CFAP20DC: variants seen among roughly 807,000 people sequenced by gnomAD.
The protein encoded by CFAP20DC is CFAP20 domain containing.
Under a neutral mutation model 101.7 loss-of-function variants are expected in CFAP20DC, and 84 were observed. That is an observed-to-expected ratio of 0.83 (90% CI 0.69 to 0.99). The LOEUF (loss-of-function observed/expected upper bound fraction) is 0.99. Ranked by LOEUF, CFAP20DC falls within the 50% of genes least tolerant of loss-of-function variation. CFAP20DC has a pLI of 0.00. For missense variants in CFAP20DC, 1,007 were observed against 970.3 expected (o/e 1.04, Z -0.50); for synonymous variants, 359 against 351.2 (o/e 1.02, Z -0.25).
intron 4 of CFAP20DC, among the ~76,000 whole-genome samples, chr3:58,939,239 G>A (rs1387317763): frequency 6.6e-6 from 1 of 151,986 alleles, no homozygotes; most frequent in Non-Finnish European, 1.5e-5. Flanking sequence ...TTACTAATGG[G>A]GTACAGGATC....
intron 15 of CFAP20DC, among the ~76,000 whole-genome samples, chr3:58,772,558 A>T (rs902971138): frequency 6.6e-6 from 1 of 152,188 alleles, no homozygotes; most frequent in Non-Finnish European, 1.5e-5. Context: ...CCTTTTGACC[A>T]AGTAATTCCA....
chr3:58,993,556 G>T (rs1372366982), intron 4 of CFAP20DC, among the ~76,000 whole-genome samples: 1 of 152,078 alleles, frequency 6.6e-6, no homozygotes, highest in Non-Finnish European at 1.5e-5. Context: ...TCACCCATTA[G>T]CTATTCTTCC....
At chr3:58,811,178 T>A (rs1465730052) in intron 14 of CFAP20DC, among the ~76,000 whole-genome samples, 1 of 152,118 alleles carries the variant, frequency 6.6e-6, no homozygotes, top group Admixed American at 6.6e-5. Context: ...TACCAATGAC[T>A]TTCTTCACAG....
chr3:58,842,346 C>T (rs896896638), intron 13 of CFAP20DC, among the ~76,000 whole-genome samples: 4 of 152,172 alleles, frequency 2.6e-5, no homozygotes, highest in African/African-American at 7.2e-5. Flanking sequence ...GGCATTGCCT[C>T]ACCTGGGAAG....
At chr3:58,822,694 A>C (rs999225077) in intron 14 of CFAP20DC, among the ~76,000 whole-genome samples, 6 of 152,144 alleles carry the variant, frequency 3.9e-5, no homozygotes, top group African/African-American at 1.4e-4. Flanking sequence ...TCAAATAAAA[A>C]CTGCTGACAC....
intron 13 of CFAP20DC, among the ~76,000 whole-genome samples, chr3:58,848,399 G>A (rs72881630): frequency 0.062 from 9,491 of 152,076 alleles, 557 homozygotes; most frequent in African/African-American, 0.16. Flanking sequence ...TTTAAAAAAT[G>A]GAATGTACAT....
chr3:58,879,208 A>G (rs1305532276), intron 7 of CFAP20DC, among the ~76,000 whole-genome samples: 1 of 152,192 alleles, frequency 6.6e-6, no homozygotes, highest in Non-Finnish European at 1.5e-5. Context: ...CATCACCAAG[A>G]AACAATAAAT....
intron 12 of CFAP20DC, among the ~76,000 whole-genome samples, chr3:58,858,640 A>G (rs990927873): frequency 2.6e-5 from 4 of 152,188 alleles, no homozygotes; most frequent in African/African-American, 9.6e-5. Context: ...TTTTAAATTC[A>G]ATCCACCATG....
rs1268442311 is a variant in CFAP20DC at position 58,864,378 on chromosome 3, A to AC, written c.1259-487dup. ...CATCTTGTAACCTGCTAAACACTCAACCCATACATCAGTGCCTATAGCTAT... is the reference window on the plus strand; with the variant it reads ...CATCTTGTAACCTGCTAAACACTCAACCCCATACATCAGTGCCTATAGCTAT... On this transcript the variant is annotated intron_variant, in intron 11 of 16. Transcript: ENST00000482387. The surrounding 1 kb of genome is among the most constrained non-coding windows in gnomAD (Gnocchi z 4.7). Among the ~76,000 whole-genome samples the AC allele has an allele frequency of 1.3e-5, 2 of 152,172 alleles. No homozygotes were observed. The highest frequency in any genetic ancestry group is 2.9e-5 in the Non-Finnish European group (2 of 68,032).
intron 15 of CFAP20DC, among the ~76,000 whole-genome samples, chr3:58,781,777 C>T (rs1485602489): frequency 6.6e-6 from 1 of 151,978 alleles, no homozygotes. Context: ...AGTTATGAGA[C>T]TGAATCAGTA....
intron 6 of CFAP20DC, among the ~76,000 whole-genome samples, chr3:58,900,383 T>C (rs1045371426): frequency 3.3e-5 from 5 of 152,220 alleles, no homozygotes; most frequent in Non-Finnish European, 7.3e-5. Flanking sequence ...TGGTTAGTCT[T>C]TGTTCAGCTA....
At chr3:58,933,104 A>G (rs2086957431) in intron 5 of CFAP20DC, among the ~76,000 whole-genome samples, 1 of 152,124 alleles carries the variant, frequency 6.6e-6, no homozygotes, top group Non-Finnish European at 1.5e-5. Context: ...AAAACAAGAA[A>G]AGGCAGGGGT....
At chr3:58,996,764 T>A (rs1213404298) in intron 4 of CFAP20DC, among the ~76,000 whole-genome samples, 1 of 152,260 alleles carries the variant, frequency 6.6e-6, no homozygotes, top group East Asian at 1.9e-4. Context: ...TGATTTATAT[T>A]GTGGCCCAAG....
intron 7 of CFAP20DC, among the ~76,000 whole-genome samples, chr3:58,870,614 C>A (rs1372935393): frequency 6.6e-6 from 1 of 150,844 alleles, no homozygotes. Context: ...AAGGGCCGGG[C>A]GCGGTGGCTC....
intron 15 of CFAP20DC, among the ~76,000 whole-genome samples, chr3:58,756,889 G>A (rs2107299620): frequency 6.6e-6 from 1 of 152,186 alleles, no homozygotes; most frequent in South Asian, 2.1e-4. Flanking sequence ...TTCATGGAGA[G>A]CTTCCTCATC....
At chr3:59,008,015 C>G (rs1262391625) in intron 4 of CFAP20DC, among the ~76,000 whole-genome samples, 1 of 152,170 alleles carries the variant, frequency 6.6e-6, no homozygotes, top group Non-Finnish European at 1.5e-5. Flanking sequence ...AGAAAGGGTC[C>G]TTGTTCCCCC....
At chr3:58,840,975 C>A (rs2077061024) in intron 13 of CFAP20DC, among the ~76,000 whole-genome samples, 1 of 152,224 alleles carries the variant, frequency 6.6e-6, no homozygotes, top group Admixed American at 6.5e-5. Context: ...ATGGTTTCCA[C>A]TGCTTTTGAC....
downstream of CFAP20DC, among the ~76,000 whole-genome samples, chr3:58,741,221 G>A (rs1263194468): frequency 1.3e-5 from 2 of 152,006 alleles, no homozygotes; most frequent in Admixed American, 1.3e-4. Flanking sequence ...AATATAATAA[G>A]TACTTCCTTG....
rs2082551995 is a variant in CFAP20DC, at chr3:58,894,991, G to A, written c.551-10282C>T. Among the ~76,000 whole-genome samples, 1 of 152,248 alleles carries A rather than the reference G, an allele frequency of 6.6e-6. No homozygotes were observed. The highest frequency in any genetic ancestry group is 2.4e-5 in the African/African-American group (1 of 41,468). On this transcript the variant is annotated intron_variant, in intron 6 of 16. Transcript: ENST00000482387. The surrounding 1 kb of genome is among the most constrained non-coding windows in gnomAD (Gnocchi z 4.1). ...TTGGCCCCTTGTAGCCATGGCTGGA[G>A]CAGCTGGGTCACAGGGCACCAAGTC...
Sources: gnomAD v4.1 joint callset for allele counts (sites outside exome capture counted in the v4.1 genomes callset) on GRCh38, gnomAD v4.1.1 for gene constraint, Gnocchi (gnomAD v3.1) non-coding constraint, MANE v1.5 for transcripts, NCBI Gene and HGNC (gene_info 2026-07-23, HGNC 2026-07-21) for gene names.